KLF12: variants seen among roughly 807,000 people sequenced by gnomAD.
The protein encoded by KLF12 is KLF transcription factor 12.
In KLF12, 9 loss-of-function variants were observed where a neutral mutation model predicts 37.8. That is an observed-to-expected ratio of 0.24 (90% confidence interval 0.14 to 0.42). The LOEUF is 0.42. KLF12 is among the 10% of genes least tolerant of loss of function. KLF12 has a pLI of 1.00. For missense variants in KLF12, 411 were observed against 516.0 expected (o/e 0.80, Z 1.97); for synonymous variants, 208 against 202.1 (o/e 1.03, Z -0.25).
chr13:73,891,329 T>C (rs1490614221), intron 3 of KLF12, among the ~76,000 whole-genome samples: 1 of 152,126 alleles, frequency 6.6e-6, no homozygotes, highest in African/African-American at 2.4e-5. Context: ...ACTCATACCA[T>C]TGCTATGCAG....
At chr13:73,742,495 G>A (rs1250850388) in intron 6 of KLF12, among the ~76,000 whole-genome samples, 1 of 152,078 alleles carries the variant, frequency 6.6e-6, no homozygotes, top group African/African-American at 2.4e-5. Flanking sequence ...TAGATACTAC[G>A]CTAAATACTT....
In KLF12 at chr13:73,813,196, A is replaced by G. The variant is rs779893785; in HGVS notation, c.762T>C (p.Asn254=). 37 of 1,613,940 alleles carry G rather than the reference A, an allele frequency of 2.3e-5. No individual in the cohort carries two copies. The highest frequency in any genetic ancestry group is 2.8e-5 in the Non-Finnish European group (33 of 1,179,954). The change falls in exon 5 of 8, where the codon AAT becomes AAC. Residue 254 remains asparagine, a synonymous_variant. Transcript: ENST00000377669. ...TGGAAAGGGCCGTAGATCCAGTTTC[A>G]TTAACGCTATCTAAGGTCACATTTG...
chr13:73,941,892 A>G (rs1890202654), intron 3 of KLF12, among the ~76,000 whole-genome samples: 1 of 152,190 alleles, frequency 6.6e-6, no homozygotes, highest in South Asian at 2.1e-4. Context: ...AATCTAAATA[A>G]GAGTTAAAAT....
chr13:74,147,261 C>T, the KLF12 span, among the ~76,000 whole-genome samples: 6 of 151,962 alleles, frequency 3.9e-5, no homozygotes, highest in African/African-American at 7.2e-5. Context: ...GGAACAAGTG[C>T]ACCCCTTCCT....
At chr13:73,710,691 A>G (rs752947704) in intron 7 of KLF12, among the ~76,000 whole-genome samples, 2 of 152,212 alleles carry the variant, frequency 1.3e-5, no homozygotes, top group Non-Finnish European at 2.9e-5. Flanking sequence ...ATCACTGACC[A>G]GCTGCTACCC....
chr13:74,266,320 A>G, the KLF12 span, among the ~76,000 whole-genome samples: 1 of 152,190 alleles, frequency 6.6e-6, no homozygotes, highest in Non-Finnish European at 1.5e-5. Context: ...TTGAAATGCT[A>G]CTGGACCTTG....
the KLF12 span, among the ~76,000 whole-genome samples, chr13:74,156,260 G>C: frequency 6.6e-6 from 1 of 152,100 alleles, no homozygotes; most frequent in Non-Finnish European, 1.5e-5. Context: ...CTTTTCAGAG[G>C]CCTCTGTATG....
intron 1 of KLF12, among the ~76,000 whole-genome samples, chr13:74,062,556 T>C (rs986110874): frequency 6.6e-6 from 1 of 152,232 alleles, no homozygotes; most frequent in Non-Finnish European, 1.5e-5. Context: ...AAACAAGTGA[T>C]AGAACTTGTT....
At chr13:74,006,441 AC>A (rs1892410916) in intron 1 of KLF12, among the ~76,000 whole-genome samples, 1 of 152,144 alleles carries the variant, frequency 6.6e-6, no homozygotes, top group Non-Finnish European at 1.5e-5. Context: ...CCAAAGGAAC[AC>A]CTTTGGGCAA....
upstream of KLF12, among the ~76,000 whole-genome samples, chr13:74,136,067 G>T (rs1878544422): frequency 6.6e-6 from 1 of 152,332 alleles, no homozygotes; most frequent in South Asian, 2.1e-4. Context: ...TGCGTCTTAG[G>T]AAGGCAGCAG....
At position 73,698,089 on chromosome 13, in the gene KLF12, T is replaced by C. The variant is rs576676842; in HGVS notation, c.1028-2418A>G. Among the ~76,000 whole-genome samples the C allele has an allele frequency of 8.6e-5, 13 of 151,804 alleles. No individual in the cohort carries two copies. In the South Asian group the frequency reaches 2.3e-3, roughly 27 times the overall value. ...GAAGAATTGCTTGAGTCCAGGAGTT[T>C]AAGGCCGCAGTGAGCTATGATTGTG... On this transcript the variant is annotated intron_variant, in intron 7 of 7. Coordinates refer to ENST00000377669, the MANE Select transcript of KLF12 (RefSeq NM_007249.5).
chr13:73,783,308 T>C (rs544638983), intron 5 of KLF12, among the ~76,000 whole-genome samples: 1 of 152,262 alleles, frequency 6.6e-6, no homozygotes, highest in South Asian at 2.1e-4. Flanking sequence ...AGAATGATGG[T>C]TACCAGAGGC....
At chr13:74,136,301 T>C (rs1878552894), upstream of KLF12, among the ~76,000 whole-genome samples, 1 of 152,076 alleles carries the variant, frequency 6.6e-6, no homozygotes, top group African/African-American at 2.4e-5. Flanking sequence ...CACTCCCTGA[T>C]CCGATCCTGG....
At chr13:73,856,339 A>T (rs1158454164) in intron 3 of KLF12, among the ~76,000 whole-genome samples, 2 of 152,226 alleles carry the variant, frequency 1.3e-5, no homozygotes, top group Non-Finnish European at 2.9e-5. Context: ...CAAGAATTTT[A>T]AAAAATGATC....
At chr13:73,982,761 T>A (rs1406312791) in intron 2 of KLF12, among the ~76,000 whole-genome samples, 1 of 152,136 alleles carries the variant, frequency 6.6e-6, no homozygotes, top group East Asian at 1.9e-4. Context: ...GGAAAATCCC[T>A]CTCTTGCCAT....
At chr13:73,994,182 A>G (rs1892044244) in intron 2 of KLF12, among the ~76,000 whole-genome samples, 1 of 152,216 alleles carries the variant, frequency 6.6e-6, no homozygotes, top group African/African-American at 2.4e-5. Context: ...AGAAAAAGAC[A>G]TAGCAAGTTG....
chr13:74,296,146 T>A, the KLF12 span, among the ~76,000 whole-genome samples: 1 of 151,978 alleles, frequency 6.6e-6, no homozygotes, highest in South Asian at 2.1e-4. Context: ...GCACTTTTTT[T>A]TTTTTTTAAT....
the KLF12 span, among the ~76,000 whole-genome samples, chr13:74,152,840 C>T: frequency 6.6e-6 from 1 of 151,158 alleles, no homozygotes; most frequent in African/African-American, 2.4e-5. Context: ...GCCATGACTG[C>T]ACCACTGCAT....
chr13:74,175,844 T>C, the KLF12 span, among the ~76,000 whole-genome samples: 1,684 of 152,306 alleles, frequency 0.011, 33 homozygotes, highest in African/African-American at 0.035. Context: ...CCTTAAAACC[T>C]TGATGCCAGC....
Sources: gnomAD v4.1 joint callset for allele counts (sites outside exome capture counted in the v4.1 genomes callset) on GRCh38, gnomAD v4.1.1 for gene constraint, MANE v1.5 for transcripts, NCBI Gene and HGNC (gene_info 2026-07-23, HGNC 2026-07-21) for gene names.